The following CHAT variants were observed in gnomAD, a reference collection of about 807,000 sequenced individuals.
CHAT encodes acetyl CoA:choline O-acetyltransferase.
Under a neutral mutation model 76.9 loss-of-function variants are expected in CHAT, and 61 were observed. That is an observed-to-expected ratio of 0.79 (90% CI 0.65 to 0.98). The LOEUF (loss-of-function observed/expected upper bound fraction) is 0.98, where lower values mean the gene tolerates loss of function less well. Among genes scored for constraint, CHAT ranks in the 50% least tolerant of loss-of-function variants. CHAT has a pLI of 0.00. For synonymous variants in CHAT, 407 were observed against 397.4 expected (o/e 1.02, Z -0.29); for missense variants, 946 against 986.9 (o/e 0.96, Z 0.56).
intron 8 of CHAT, 72 bp downstream of exon 8, chr10:49,646,746 C>G: frequency 1.3e-6 from 2 of 1,539,732 alleles, no homozygotes; most frequent in Non-Finnish European, 8.9e-7. Flanking sequence ...CAAGCGGGCA[C>G]AGCCTGGTGC....
rs1840328834 is a variant in CHAT, at chr10:49,665,794, T to G, written c.*748T>G. 1.3e-5 allele frequency among the ~76,000 whole-genome samples: 2 copies of G among 152,134 alleles called. No individual in the cohort carries two copies. The highest frequency in any genetic ancestry group is 4.1e-4 in the South Asian group (2 of 4,820). ...GCCACTCTCTGCTTAGCAGGCGGCA[T>G]CAGGGCCAGTCCAAGATGAGTAAAC... On this transcript the variant is annotated 3_prime_UTR_variant, in exon 15 of 15. Transcript: ENST00000337653.
upstream of CHAT, chr10:49,610,653 C>T: frequency 1.5e-6 from 2 of 1,336,068 alleles, no homozygotes; most frequent in Non-Finnish European, 2.0e-6. Flanking sequence ...ACAGCCTCCC[C>T]GAAGTCCCGT....
upstream of CHAT, chr10:49,612,371 G>C (rs771616695): frequency 2.6e-6 from 4 of 1,553,118 alleles, no homozygotes; most frequent in South Asian, 4.9e-5. Context: ...CCACCCAACC[G>C]CCTTGGGTCA....
upstream of CHAT, chr10:49,610,771 C>A: frequency 6.4e-7 from 1 of 1,558,538 alleles, no homozygotes; most frequent in Non-Finnish European, 8.7e-7. Flanking sequence ...GGGCCAGGCC[C>A]GGGCGGCGGC....
intron 7 of CHAT, among the ~76,000 whole-genome samples, chr10:49,643,637 A>T (rs898545002): frequency 1.3e-5 from 2 of 151,910 alleles, no homozygotes; most frequent in African/African-American, 4.8e-5. Context: ...GCCTCACCCT[A>T]CCCCCACTCC....
chr10:49,649,764 C>G, intron 10 of CHAT, 128 bp downstream of exon 10: 2 of 934,296 alleles, frequency 2.1e-6, no homozygotes, highest in Non-Finnish European at 1.7e-6. Context: ...GGCTCCACCT[C>G]GTCCCCATCC....
intron 13 of CHAT, among the ~76,000 whole-genome samples, chr10:49,657,925 C>T (rs925668484): frequency 1.3e-5 from 2 of 152,116 alleles, no homozygotes; most frequent in African/African-American, 2.4e-5. Context: ...CAGTGAAGCC[C>T]CCAGGTTAAC....
At chr10:49,612,432 C>T, upstream of CHAT, 2 of 1,292,806 alleles carry the variant, frequency 1.5e-6, no homozygotes, top group Admixed American at 2.3e-5. Context: ...GGGCCCACCT[C>T]CTCCAGCGAG....
At chr10:49,654,055 G>T (rs1275393611) in intron 11 of CHAT, among the ~76,000 whole-genome samples, 1 of 152,240 alleles carries the variant, frequency 6.6e-6, no homozygotes, top group Non-Finnish European at 1.5e-5. Flanking sequence ...AATCACAATT[G>T]TTTTTATCTG....
chr10:49,624,730 C>CGGATGGATGGAT (rs908612250), intron 5 of CHAT, among the ~76,000 whole-genome samples: 2 of 41,504 alleles, frequency 4.8e-5, no homozygotes, highest in African/African-American at 1.2e-4. Flanking sequence ...GATGGATGGA[C>CGGATGGATGGAT]GGATGGATGG....
At chr10:49,626,931 C>T (rs941844128) in intron 6 of CHAT, among the ~76,000 whole-genome samples, 5 of 152,240 alleles carry the variant, frequency 3.3e-5, no homozygotes, top group Non-Finnish European at 5.9e-5. Flanking sequence ...TGTAGGTGCA[C>T]ATGCACGCAT....
intron 9 of CHAT, 80 bp from the exon 10 acceptor site, chr10:49,649,428 T>C: frequency 5.6e-6 from 9 of 1,602,048 alleles, no homozygotes; most frequent in Non-Finnish European, 6.8e-6. Flanking sequence ...ACAGCTAAGA[T>C]GATTGCACAG....
chr10:49,647,074 AAAT>A (rs755283181), intron 8 of CHAT: 2 of 239,648 alleles, frequency 8.3e-6, no homozygotes, highest in East Asian at 9.7e-5. Flanking sequence ...ATGCATGCTG[AAAT>A]AATAATTTCT....
In CHAT at chr10:49,653,831, G is replaced by A. The variant is rs1450701808; in HGVS notation, c.1635-1264G>A. ...GGGATGCCACTAAGACCAGCTGCTC[G>A]GGACCTCTCTACTATGAGCACTTCC... On this transcript the variant is annotated intron_variant, in intron 11 of 14. Coordinates refer to ENST00000337653, the MANE Select transcript of CHAT (RefSeq NM_020549.5). 3.3e-5 allele frequency among the ~76,000 whole-genome samples: 5 copies of A among 152,190 alleles called. No homozygotes were observed. In the South Asian group the frequency reaches 8.3e-4, roughly 25 times the overall value.
At chr10:49,618,614 T>A (rs1407209410) in intron 2 of CHAT, among the ~76,000 whole-genome samples, 1 of 152,226 alleles carries the variant, frequency 6.6e-6, no homozygotes, top group African/African-American at 2.4e-5. Context: ...TTGGACCAGC[T>A]GCTCCACTCT....
At chr10:49,610,808 C>A, upstream of CHAT, 1 of 1,595,442 alleles carries the variant, frequency 6.3e-7, no homozygotes, top group Non-Finnish European at 8.5e-7. Context: ...GCTGTGGGCG[C>A]GGCGCTGCAG....
intron 7 of CHAT, among the ~76,000 whole-genome samples, chr10:49,644,278 C>G (rs56390988): frequency 0.038 from 5,739 of 152,228 alleles, 249 homozygotes; most frequent in East Asian, 0.24. Flanking sequence ...CTGTGAGGTC[C>G]ACGCAGGGAT....
intron 1 of CHAT, chr10:49,616,102 T>C (rs1838482738): frequency 6.2e-7 from 1 of 1,611,090 alleles, no homozygotes; most frequent in South Asian, 1.1e-5. Context: ...GGTATGGTCT[T>C]ACCCTTGAGA....
chr10:49,616,706 C>T (rs1564470532), intron 2 of CHAT, 104 bp downstream of exon 2: 2 of 806,468 alleles, frequency 2.5e-6, no homozygotes. Context: ...TTTGCCTGGC[C>T]CCAGCCCTGC....
Sources: gnomAD v4.1 joint callset for allele counts (sites outside exome capture counted in the v4.1 genomes callset) on GRCh38, gnomAD v4.1.1 for gene constraint, MANE v1.5 for transcripts, NCBI Gene and HGNC (gene_info 2026-07-23, HGNC 2026-07-21) for gene names.